CAMTA1: variants seen among roughly 807,000 people sequenced by gnomAD.
CAMTA1 encodes the protein calmodulin-binding transcription activator 1.
In CAMTA1, 27 loss-of-function variants were observed where a neutral mutation model predicts 170.9. The ratio of observed to expected loss-of-function variants is 0.16; its 90% CI spans 0.12 to 0.22. The LOEUF (loss-of-function observed/expected upper bound fraction) is 0.22. CAMTA1 is among the 10% of genes least tolerant of loss of function. The pLI is 1.00. For synonymous variants in CAMTA1, 833 were observed against 891.5 expected, an observed-to-expected ratio of 0.93 and a Z score of 1.17; for missense variants, 1,619 against 2,217.2, an observed-to-expected ratio of 0.73 and a Z score of 5.42.
rs1047057811 is a variant in CAMTA1, at chr1:7,248,499, G to T, written c.303-992G>T. Among the ~76,000 whole-genome samples the T allele has an allele frequency of 3.9e-5, 6 of 152,200 alleles. No individual in the cohort carries two copies. The highest frequency in any genetic ancestry group is 7.3e-5 in the Non-Finnish European group (5 of 68,040). ...CAGGTGCAGAGTGGTGCAGCACTGC[G>T]TGGGGTGCTGCTAGATTTTGGGGGA... On this transcript the variant is annotated intron_variant, in intron 4 of 22. Transcript: ENST00000303635. This position sits in a 1 kb window ranked among gnomAD's most constrained non-coding sequence, Gnocchi z 4.0.
intron 5 of CAMTA1, among the ~76,000 whole-genome samples, chr1:7,284,399 T>G (rs561106712): frequency 5.9e-5 from 9 of 152,010 alleles, no homozygotes; most frequent in Non-Finnish European, 5.9e-5. Flanking sequence ...AGATGGGGTT[T>G]CGCCATGTTA....
chr1:7,676,015 AAGC>A (rs2096116631), intron 10 of CAMTA1, among the ~76,000 whole-genome samples: 1 of 152,204 alleles, frequency 6.6e-6, no homozygotes, highest in Non-Finnish European at 1.5e-5. Context: ...CCCCGACCCC[AAGC>A]TGGGACACAT....
chr1:6,844,477 G>T (rs1326053964), intron 3 of CAMTA1, among the ~76,000 whole-genome samples: 6 of 141,614 alleles, frequency 4.2e-5, no homozygotes, highest in Non-Finnish European at 9.0e-5. Context: ...TTCAAGACCA[G>T]CCTGGGCAAC....
At chr1:7,324,246 C>A (rs80150392) in intron 5 of CAMTA1, among the ~76,000 whole-genome samples, 2,919 of 152,220 alleles carry the variant, frequency 0.019, 44 homozygotes, top group Admixed American at 0.036. Flanking sequence ...TCCTCTTTAT[C>A]TCTAGTAATG....
At chr1:7,615,007 A>C (rs915694330) in intron 6 of CAMTA1, among the ~76,000 whole-genome samples, 1 of 152,100 alleles carries the variant, frequency 6.6e-6, no homozygotes, top group Non-Finnish European at 1.5e-5. Context: ...CACTCCACAC[A>C]CCTACAAAGA....
At chr1:7,501,230 A>G (rs1452222109) in intron 6 of CAMTA1, among the ~76,000 whole-genome samples, 1 of 152,148 alleles carries the variant, frequency 6.6e-6, no homozygotes. Context: ...CAGCAGAGCA[A>G]GGCATCAAGC....
chr1:7,165,967 T>C (rs1438403930), intron 4 of CAMTA1, among the ~76,000 whole-genome samples: 1 of 152,194 alleles, frequency 6.6e-6, no homozygotes, highest in Non-Finnish European at 1.5e-5. Flanking sequence ...AAGACATACA[T>C]ATATTTCTAG....
chr1:7,736,263 A>C lies in CAMTA1; in HGVS notation c.3067-81A>C, dbSNP rs1287597177. ...CGTTGTGAGTTTCTAATCGTAAAGC[A>C]TTTGTTTCCCCTACATCGAAGCGCT... On this transcript the variant is annotated intron_variant, in intron 12 of 22. Coordinates refer to ENST00000303635, the MANE Select transcript of CAMTA1 (RefSeq NM_015215.4). This position sits in a 1 kb window ranked among gnomAD's most constrained non-coding sequence, Gnocchi z 4.5. The C allele has an allele frequency of 7.8e-6, 9 of 1,161,242 alleles. No individual in the cohort carries two copies. The highest frequency in any genetic ancestry group is 2.5e-6 in the Non-Finnish European group (2 of 805,538). The allele number at this position is 1,161,242 out of a possible 1,614,324, so 71.9% of individuals were successfully genotyped here.
chr1:6,996,855 G>T (rs561459407), intron 3 of CAMTA1, among the ~76,000 whole-genome samples: 11 of 152,192 alleles, frequency 7.2e-5, no homozygotes, highest in Non-Finnish European at 2.9e-5. Flanking sequence ...ATGTTGGAAG[G>T]TTGGTCCAAC....
At chr1:7,089,595 G>T (rs1456110681) in intron 3 of CAMTA1, among the ~76,000 whole-genome samples, 1 of 122,070 alleles carries the variant, frequency 8.2e-6, no homozygotes, top group Non-Finnish European at 1.8e-5. Context: ...CATCCATCCG[G>T]CCATCTGTCT....
intron 5 of CAMTA1, among the ~76,000 whole-genome samples, chr1:7,331,975 T>G (rs1308298458): frequency 1.3e-5 from 2 of 152,218 alleles, no homozygotes; most frequent in South Asian, 2.1e-4. Context: ...AACCCGTTTG[T>G]GCAGAAAGAT....
At position 7,542,840 on chromosome 1, in the gene CAMTA1, TG is replaced by T. The variant is rs376692987; in HGVS notation, c.510+74940del. 8.0e-3 allele frequency among the ~76,000 whole-genome samples: 793 copies of T among 98,760 alleles called. 14 individuals carry two copies. The highest frequency in any genetic ancestry group is 0.027 in the African/African-American group (564 of 21,150). The allele number at this position is 98,760 out of a possible 152,430, so 64.8% of individuals were successfully genotyped here. ...CCACCACGCCTGGCCTAAAACACAG[TG>T]TGTGTGTGTGTGTGTGTGTGTGTGT... On this transcript the variant is annotated intron_variant, in intron 6 of 22. Coordinates refer to ENST00000303635, the MANE Select transcript of CAMTA1 (RefSeq NM_015215.4).
At chr1:7,119,015 T>C (rs1644495860) in intron 4 of CAMTA1, among the ~76,000 whole-genome samples, 1 of 152,244 alleles carries the variant, frequency 6.6e-6, no homozygotes, top group Non-Finnish European at 1.5e-5. Flanking sequence ...GCTAAGCCAG[T>C]AACTCCTGTA....
intron 1 of CAMTA1, among the ~76,000 whole-genome samples, chr1:6,802,961 G>A (rs1487918013): frequency 6.6e-6 from 1 of 152,194 alleles, no homozygotes; most frequent in Non-Finnish European, 1.5e-5. Flanking sequence ...GCCTAGGCTG[G>A]TCTTGAACTC....
chr1:6,792,654 A>G (rs1221377594), intron 1 of CAMTA1, among the ~76,000 whole-genome samples: 3 of 151,786 alleles, frequency 2.0e-5, no homozygotes, highest in Non-Finnish European at 4.4e-5. Context: ...TTTTTTTTTA[A>G]AGGTTCCTCC....
intron 5 of CAMTA1, among the ~76,000 whole-genome samples, chr1:7,382,988 C>G (rs1366683051): frequency 6.6e-6 from 1 of 152,140 alleles, no homozygotes; most frequent in Non-Finnish European, 1.5e-5. Flanking sequence ...CTAGTATGTG[C>G]CAGGCACTGT....
chr1:7,610,508 G>A (rs2095516746), intron 6 of CAMTA1, among the ~76,000 whole-genome samples: 1 of 152,194 alleles, frequency 6.6e-6, no homozygotes, highest in African/African-American at 2.4e-5. Context: ...CTCCTCTGTG[G>A]CCTAGCAGGT....
At chr1:7,442,212 A>G (rs574894425) in intron 5 of CAMTA1, among the ~76,000 whole-genome samples, 93 of 152,184 alleles carry the variant, frequency 6.1e-4, no homozygotes, top group Non-Finnish European at 1.1e-3. Context: ...GATTAATCAA[A>G]TTTCCTGTGA....
chr1:7,289,870 G>T (rs1672872708), intron 5 of CAMTA1, among the ~76,000 whole-genome samples: 1 of 152,226 alleles, frequency 6.6e-6, no homozygotes, highest in Non-Finnish European at 1.5e-5. Context: ...AGAGCCTTCA[G>T]AGAGGGCGTG....
Sources: allele counts gnomAD v4.1 joint callset (sites outside exome capture counted in the v4.1 genomes callset), GRCh38; gene constraint gnomAD v4.1.1; non-coding constraint Gnocchi (gnomAD v3.1); transcripts MANE v1.5; gene names NCBI Gene and HGNC (gene_info 2026-07-23, HGNC 2026-07-21).